Variants in PKLR observed in about 807,000 individuals in gnomAD.
The protein encoded by PKLR is pyruvate kinase PKLR.
In PKLR, 38 loss-of-function variants were observed where a neutral mutation model predicts 53.6. The ratio of observed to expected loss-of-function variants is 0.71; its 90% CI spans 0.55 to 0.93. PKLR has a LOEUF of 0.93. Among genes scored for constraint, PKLR ranks in the 40% least tolerant of loss-of-function variants. PKLR has a pLI of 0.00. For missense variants in PKLR, 702 were observed against 787.3 expected (o/e 0.89, Z 1.30); for synonymous variants, 328 against 316.2 (o/e 1.04, Z -0.39).
chr1:155,296,948 C>T (rs2148210892), intron 2 of PKLR, among the ~76,000 whole-genome samples: 1 of 152,232 alleles, frequency 6.6e-6, no homozygotes, highest in Admixed American at 6.5e-5. Flanking sequence ...CTCAGTCCTC[C>T]TCTATTGGCC....
At chr1:155,290,776 G>A in intron 10 of PKLR, 98 bp from the exon 11 acceptor site, 2 of 763,074 alleles carry the variant, frequency 2.6e-6, no homozygotes, top group Admixed American at 3.9e-5. Flanking sequence ...ATCACCTGAG[G>A]TCAGGAGTTT....
At position 155,291,412 on chromosome 1, in the gene PKLR, C is replaced by T. The variant is rs8177991; in HGVS notation, c.1618+344G>A. On this transcript the variant is annotated intron_variant, in intron 10 of 10. Coordinates refer to ENST00000342741, the MANE Select transcript of PKLR (RefSeq NM_000298.6). ...TCAGGAGGCTGAGGTGGGAGAATCACTTGAACCCAGGAGGCAGAGATTGCA... is the reference window on the plus strand; with the variant it reads ...TCAGGAGGCTGAGGTGGGAGAATCATTTGAACCCAGGAGGCAGAGATTGCA... Among the ~76,000 whole-genome samples the T allele has an allele frequency of 7.8e-3, 1,187 of 151,970 alleles. 11 individuals are homozygous for T. The highest frequency in any genetic ancestry group is 0.028 in the African/African-American group (1,155 of 41,398).
upstream of PKLR, among the ~76,000 whole-genome samples, chr1:155,304,400 C>T (rs1385384872): frequency 7.6e-6 from 1 of 132,174 alleles, no homozygotes; most frequent in African/African-American, 2.8e-5. Context: ...TGCCATTGCA[C>T]ACCAGCCTGG....
intron 2 of PKLR, among the ~76,000 whole-genome samples, chr1:155,296,396 G>T (rs1344591825): frequency 6.6e-6 from 1 of 151,890 alleles, no homozygotes; most frequent in African/African-American, 2.4e-5. Context: ...AGGCTGGAGT[G>T]CAGTGGCACC....
chr1:155,302,140 C>G (rs528494081), upstream of PKLR, among the ~76,000 whole-genome samples: 1 of 151,478 alleles, frequency 6.6e-6, no homozygotes, highest in Admixed American at 6.6e-5. Context: ...TCATTGCAAC[C>G]TCTGCGATCC....
intron 2 of PKLR, among the ~76,000 whole-genome samples, chr1:155,296,688 C>T (rs1489024799): frequency 1.3e-5 from 2 of 152,014 alleles, no homozygotes; most frequent in African/African-American, 4.8e-5. Flanking sequence ...GCAGGTAAAC[C>T]TACTGTTATT....
chr1:155,291,819 C>T lies in PKLR; in HGVS notation c.1555G>A (p.Glu519Lys). 1 of 1,614,088 alleles carries T rather than the reference C, an allele frequency of 6.2e-7. No homozygotes were observed. The highest frequency in any genetic ancestry group is 2.2e-5 in the East Asian group (1 of 44,872). The part of the protein sequence containing the change: ...CRGVFPLLYR[E>K]PPEAIWADDV... ...TCTGCCCAGATGGCTTCTGGAGGTT[C>T]ACGGTAAAGCAAGGGGAAGACTCCT... Residue 519 changes from glutamate (E) to lysine (K), a missense_variant, in exon 10 of 11, where the codon GAA becomes AAA. Glu to Lys is a moderately conservative substitution (Grantham distance 56). Coordinates refer to ENST00000342741, the MANE Select transcript of PKLR (RefSeq NM_000298.6).
rs199627687 is a variant in PKLR, at chr1:155,300,074, C to G, written c.283+24G>C. ...AGAAATACCAATAGGCCCTGTGTGGCTGCAGGGGGATGGGAGTGCTTACCG... is the reference window on the plus strand; with the variant it reads ...AGAAATACCAATAGGCCCTGTGTGGGTGCAGGGGGATGGGAGTGCTTACCG... On this transcript the variant is annotated intron_variant, in intron 2 of 10. Coordinates refer to ENST00000342741, the MANE Select transcript of PKLR (RefSeq NM_000298.6). 2.5e-6 allele frequency: 4 copies of G among 1,606,344 alleles called. No homozygotes were observed. In the African/African-American group the frequency reaches 5.3e-5, roughly 21 times the overall value.
chr1:155,305,050 G>A (rs571150145), upstream of PKLR, among the ~76,000 whole-genome samples: 1 of 152,208 alleles, frequency 6.6e-6, no homozygotes, highest in South Asian at 2.1e-4. Context: ...AGAGGGTGAG[G>A]TTGAGCATTT....
chr1:155,290,738 C>CAAAGTGATGGG, intron 10 of PKLR, 60 bp from the exon 11 acceptor site: 2 of 1,070,300 alleles, frequency 1.9e-6, no homozygotes, highest in Non-Finnish European at 2.9e-6. Context: ...CCTGTAATCC[C>CAAAGTGATGGG]ATCACTTTGG....
intron 1 of PKLR, chr1:155,300,859 GA>G (rs1331502654): frequency 1.2e-6 from 2 of 1,610,442 alleles, no homozygotes; most frequent in Non-Finnish European, 1.7e-6. Flanking sequence ...CAGTTCAGAG[GA>G]GCCCCCGATT....
At position 155,295,087 on chromosome 1, in the gene PKLR, T is replaced by C; in HGVS notation, c.694+29A>G. ...GAAGGGAATGTGCCCAGCGCACGGA[T>C]GTGGTCAGGGCGGGAGGCGCGTCCG... is the stretch of plus-strand genomic sequence containing the variant. On this transcript the variant is annotated intron_variant, in intron 5 of 10. Transcript: ENST00000342741. The surrounding 1 kb of genome is among the most constrained non-coding windows in gnomAD (Gnocchi z 4.3). The C allele has an allele frequency of 6.2e-7, 1 of 1,608,762 alleles. No homozygotes were observed. The highest frequency in any genetic ancestry group is 8.5e-7 in the Non-Finnish European group (1 of 1,175,866).
chr1:155,308,314 G>A, the PKLR span, among the ~76,000 whole-genome samples: 9 of 151,012 alleles, frequency 6.0e-5, 1 homozygote, highest in Admixed American at 1.3e-4. Context: ...TGATCCACCC[G>A]CCTCGGCCTC....
chr1:155,291,959 A>T lies in PKLR; in HGVS notation c.1437-22T>A, dbSNP rs375054587. The T allele has an allele frequency of 3.7e-6, 6 of 1,609,836 alleles. No homozygotes were observed. The highest frequency in any genetic ancestry group is 4.2e-6 in the Non-Finnish European group (5 of 1,177,592). On this transcript the variant is annotated intron_variant, in intron 9 of 10. Coordinates refer to ENST00000342741, the MANE Select transcript of PKLR (RefSeq NM_000298.6). ...TGAGCTGGAGGAGGCAGAGAAGGTC[A>T]GCCCAGAACAGCAAGAAAGTGGTGA... is the stretch of plus-strand genomic sequence containing the variant.
chr1:155,301,406 T>C lies in PKLR; in HGVS notation c.-11A>G. The C allele has an allele frequency of 1.2e-6, 2 of 1,614,040 alleles. No individual in the cohort carries two copies. Among genetic ancestry groups the C allele is most frequent in the Non-Finnish European group, 1.7e-6 (2 of 1,179,976 alleles). On this transcript the variant is annotated 5_prime_UTR_variant, in exon 1 of 11. Transcript: ENST00000342741. ...CTCCTGGATCGACATGCTTTCAGTG[T>C]GGGCCTGGGGCTGCGGGACCATGGA...
At chr1:155,301,513 C>T (rs1419461825), upstream of PKLR, 9 of 1,335,310 alleles carry the variant, frequency 6.7e-6, no homozygotes, top group Non-Finnish European at 9.5e-6. Flanking sequence ...AGTAGGCCAC[C>T]CTGTCCCCAC....
At chr1:155,301,562 TCTC>T (rs1647993031), upstream of PKLR, 2 of 732,394 alleles carry the variant, frequency 2.7e-6, no homozygotes, top group Admixed American at 2.5e-5. Flanking sequence ...TCTGCCCTCA[TCTC>T]CTGGCATTTC....
intron 2 of PKLR, among the ~76,000 whole-genome samples, chr1:155,298,019 G>A (rs932710118): frequency 1.3e-5 from 2 of 151,784 alleles, no homozygotes; most frequent in Admixed American, 6.6e-5. Flanking sequence ...TTTCCCCATA[G>A]CACTTAAAAC....
chr1:155,301,058 G>T, intron 1 of PKLR: 1 of 1,536,650 alleles, frequency 6.5e-7, no homozygotes. Context: ...CAGAGTCCAG[G>T]AACCACGGGA....
Sources: allele counts gnomAD v4.1 joint callset (sites outside exome capture counted in the v4.1 genomes callset), GRCh38; gene constraint gnomAD v4.1.1; non-coding constraint Gnocchi (gnomAD v3.1); transcripts MANE v1.5; gene names NCBI Gene and HGNC (gene_info 2026-07-23, HGNC 2026-07-21).